Variants in ITGA8 observed in about 807,000 individuals in gnomAD.
ITGA8 encodes the protein integrin subunit alpha 8.
ITGA8 carries 91 observed loss-of-function variants against 142.3 expected under a neutral mutation model. That is an observed-to-expected ratio of 0.64 (90% CI 0.54 to 0.76). The LOEUF (loss-of-function observed/expected upper bound fraction) is 0.76, where lower values mean the gene tolerates loss of function less well. Among genes scored for constraint, ITGA8 ranks in the 30% least tolerant of loss-of-function variants. The probability of loss-of-function intolerance (pLI) is 0.00; values close to 1 mark genes in which losing one functional copy is unlikely to be tolerated. For missense variants in ITGA8, 1,406 were observed against 1,327.7 expected, an observed-to-expected ratio of 1.06 and a Z score of -0.92; for synonymous variants, 505 against 485.2, an observed-to-expected ratio of 1.04 and a Z score of -0.54.
At chr10:15,692,723 A>G (rs1291135753) in intron 2 of ITGA8, among the ~76,000 whole-genome samples, 4 of 152,240 alleles carry the variant, frequency 2.6e-5, no homozygotes, top group Non-Finnish European at 5.9e-5. Flanking sequence ...GAGTGGGGCC[A>G]TCTGGGTAGA....
At chr10:15,583,714 G>T (rs951661589) in intron 23 of ITGA8, among the ~76,000 whole-genome samples, 1 of 151,978 alleles carries the variant, frequency 6.6e-6, no homozygotes, top group South Asian at 2.1e-4. Context: ...GGTGGGGAAG[G>T]GTTGGCTATA....
chr10:15,686,227 C>T (rs1013726364), intron 3 of ITGA8, among the ~76,000 whole-genome samples: 1 of 152,184 alleles, frequency 6.6e-6, no homozygotes, highest in Non-Finnish European at 1.5e-5. Context: ...CTCCTAGTCT[C>T]AAATAAATTA....
At chr10:15,598,111 C>T (rs762313858) in intron 20 of ITGA8, among the ~76,000 whole-genome samples, 3 of 152,120 alleles carry the variant, frequency 2.0e-5, no homozygotes, top group Non-Finnish European at 2.9e-5. Context: ...TCCCACTCTG[C>T]ATGCAGCCAT....
intron 8 of ITGA8, among the ~76,000 whole-genome samples, chr10:15,668,308 T>G (rs888139185): frequency 4.6e-5 from 7 of 152,052 alleles, no homozygotes; most frequent in African/African-American, 7.2e-5. Context: ...TTTGTTGGTT[T>G]AAAGTCTGTT....
intron 24 of ITGA8, 69 bp downstream of exon 24, chr10:15,575,420 A>G: frequency 1.9e-6 from 2 of 1,040,914 alleles, no homozygotes; most frequent in East Asian, 2.4e-5. Context: ...TAATAATGCT[A>G]CATAGAATTT....
chr10:15,682,734 C>G (rs1834760191), intron 4 of ITGA8, among the ~76,000 whole-genome samples: 1 of 151,848 alleles, frequency 6.6e-6, no homozygotes, highest in South Asian at 2.1e-4. Context: ...GCCTGTGGCC[C>G]CAGCTACTTG....
intron 27 of ITGA8, among the ~76,000 whole-genome samples, chr10:15,544,847 T>C (rs1833639352): frequency 6.6e-6 from 1 of 152,220 alleles, no homozygotes; most frequent in Admixed American, 6.5e-5. Context: ...CCTGGCTTAC[T>C]TGCCTGAGGG....
chr10:15,644,432 TAA>T (rs1833930031), intron 12 of ITGA8, among the ~76,000 whole-genome samples: 4 of 79,600 alleles, frequency 5.0e-5, no homozygotes, highest in African/African-American at 1.5e-4. Flanking sequence ...CATGTCAGGC[TAA>T]TATATATATA....
At chr10:15,684,317 GTAGAATTGGTGAAAA>G (rs1487541998) in intron 3 of ITGA8, among the ~76,000 whole-genome samples, 190 bp from the exon 4 acceptor site, 10 of 151,636 alleles carry the variant, frequency 6.6e-5, no homozygotes, top group Non-Finnish European at 1.3e-4. Context: ...TTAACACACT[GTAGAATTGGTGAAAA>G]TTAAATACAT....
chr10:15,708,599 T>A (rs1835305089), intron 2 of ITGA8, among the ~76,000 whole-genome samples: 1 of 152,168 alleles, frequency 6.6e-6, no homozygotes, highest in African/African-American at 2.4e-5. Context: ...AAAAAAAGTT[T>A]TAATCACATT....
chr10:15,530,078 C>T (rs925746227), intron 28 of ITGA8, among the ~76,000 whole-genome samples: 10 of 152,284 alleles, frequency 6.6e-5, no homozygotes, highest in African/African-American at 2.4e-4. Flanking sequence ...TTTCAAAAGT[C>T]TCTGACCACC....
At position 15,589,265 on chromosome 10, in the gene ITGA8, GC is replaced by G. The variant is rs550304336; in HGVS notation, c.2292-2602del. 3.2e-3 allele frequency among the ~76,000 whole-genome samples: 487 copies of G among 152,006 alleles called. 2 individuals are homozygous for G. Among genetic ancestry groups the G allele is most frequent in the African/African-American group, 0.011 (466 of 41,414 alleles). On this transcript the variant is annotated intron_variant, in intron 22 of 29. Transcript: ENST00000378076. ...TCCTGCATTCTAACATTCCCTCTAT[GC>G]TTTCTGTGGTCTTTGGAATGTCAGC...
At chr10:15,696,638 C>A (rs1456926355) in intron 2 of ITGA8, among the ~76,000 whole-genome samples, 2 of 152,116 alleles carry the variant, frequency 1.3e-5, no homozygotes, top group Non-Finnish European at 2.9e-5. Flanking sequence ...AGCCATTTGG[C>A]ACCACATATC....
At chr10:15,669,969 C>T (rs1231454469) in intron 8 of ITGA8, among the ~76,000 whole-genome samples, 2 of 152,176 alleles carry the variant, frequency 1.3e-5, no homozygotes, top group Admixed American at 6.5e-5. Context: ...CAGGGACCCA[C>T]TTGAGGAGGC....
intron 28 of ITGA8, among the ~76,000 whole-genome samples, chr10:15,520,393 A>C (rs754000324): frequency 6.6e-6 from 1 of 152,218 alleles, no homozygotes; most frequent in Non-Finnish European, 1.5e-5. Flanking sequence ...AGCCTAGGCA[A>C]CAGGGTGACA....
chr10:15,657,127 T>C (rs1001512229), intron 10 of ITGA8, among the ~76,000 whole-genome samples: 3 of 152,224 alleles, frequency 2.0e-5, no homozygotes, highest in Non-Finnish European at 4.4e-5. Context: ...AATTTCATCA[T>C]TTATCACCTT....
chr10:15,573,152 A>G (rs1047823712), intron 24 of ITGA8, among the ~76,000 whole-genome samples: 1 of 152,074 alleles, frequency 6.6e-6, no homozygotes, highest in Non-Finnish European at 1.5e-5. Context: ...TAGATGGCCT[A>G]TTTAATTCAC....
intron 15 of ITGA8, among the ~76,000 whole-genome samples, chr10:15,610,877 A>C (rs1833281583): frequency 6.6e-6 from 1 of 152,178 alleles, no homozygotes; most frequent in South Asian, 2.1e-4. Context: ...TACATTTCTA[A>C]AATGAAGTAT....
At chr10:15,519,498 T>C (rs976369204) in intron 28 of ITGA8, 86 bp from the exon 29 acceptor site, 2 of 1,429,414 alleles carry the variant, frequency 1.4e-6, no homozygotes, top group African/African-American at 2.8e-5. Flanking sequence ...ACATCGGAAG[T>C]TGATCTGAAA....
Sources: allele counts gnomAD v4.1 joint callset (sites outside exome capture counted in the v4.1 genomes callset), GRCh38; gene constraint gnomAD v4.1.1; transcripts MANE v1.5; gene names NCBI Gene and HGNC (gene_info 2026-07-23, HGNC 2026-07-21).